The following TNFSF8 variants were observed in gnomAD, a reference collection of about 807,000 sequenced individuals.
The protein encoded by TNFSF8 is TNF superfamily member 8, also known as tumor necrosis factor ligand superfamily member 8.
Under a neutral mutation model 22.0 loss-of-function variants are expected in TNFSF8, and 4 were observed. The observed-to-expected ratio is 0.18, with a 90% CI of 0.09 to 0.42. The LOEUF (loss-of-function observed/expected upper bound fraction) is 0.42. TNFSF8 is among the 10% of genes least tolerant of loss of function. TNFSF8 has a pLI of 1.00. For missense variants in TNFSF8, 233 were observed against 281.8 expected, an observed-to-expected ratio of 0.83 and a Z score of 1.24; for synonymous variants, 106 against 112.5, an observed-to-expected ratio of 0.94 and a Z score of 0.37.
In TNFSF8 at chr9:114,902,274, G is replaced by A. The variant is rs916669963; in HGVS notation, c.*1657C>T. On this transcript the variant is annotated 3_prime_UTR_variant, in exon 4 of 4. Transcript: ENST00000223795. ...CATCATTGTCTCTCAACAACTTTGT[G>A]GGGATATAAAAACCCTCGCGGAACT... 19 of 985,296 alleles carry A rather than the reference G, an allele frequency of 1.9e-5. No homozygotes were observed. In the African/African-American group the frequency reaches 3.1e-4, roughly 16 times the overall value. The allele number at this position is 985,296 out of a possible 1,614,324, so 61.0% of individuals were successfully genotyped here. A position where few individuals can be genotyped will look rare whatever the true frequency, so the allele number is the denominator to read the frequency against.
At position 114,901,620 on chromosome 9, in the gene TNFSF8, G is replaced by A; in HGVS notation, c.*2311C>T. The A allele has an allele frequency of 1.0e-6, 1 of 985,300 alleles. No homozygotes were observed. The highest frequency in any genetic ancestry group is 1.2e-6 in the Non-Finnish European group (1 of 829,812). 61.0% of individuals were successfully genotyped at this position (985,300 alleles called of 1,614,324 possible). A position where few individuals can be genotyped will look rare whatever the true frequency, so the allele number is the denominator to read the frequency against. ...GATTCATTTGTCCTATGCAGTTAGT[G>A]TGTGACTCAAATGCCAGCCATTTCC... On this transcript the variant is annotated 3_prime_UTR_variant, in exon 4 of 4. Coordinates refer to ENST00000223795, the MANE Select transcript of TNFSF8 (RefSeq NM_001244.4).
intron 2 of TNFSF8, 40 bp downstream of exon 2, chr9:114,918,056 A>C: frequency 1.9e-6 from 3 of 1,566,064 alleles, no homozygotes; most frequent in African/African-American, 1.4e-5. Context: ...ATTTATCTAG[A>C]TGACTTACTA....
At position 114,902,372 on chromosome 9, in the gene TNFSF8, C is replaced by A. The variant is rs1827728496; in HGVS notation, c.*1559G>T. 6.1e-6 allele frequency: 6 copies of A among 985,294 alleles called. No individual in the cohort carries two copies. Among genetic ancestry groups the A allele is most frequent in the Non-Finnish European group, 7.2e-6 (6 of 829,938 alleles). The allele number at this position is 985,294 out of a possible 1,614,324, so 61.0% of individuals were successfully genotyped here. A position where few individuals can be genotyped will look rare whatever the true frequency, so the allele number is the denominator to read the frequency against. On this transcript the variant is annotated 3_prime_UTR_variant, in exon 4 of 4. Transcript: ENST00000223795. The stretch of plus-strand genomic sequence containing the variant: ...GAGCAGCCATTCCCTGGCTAGATGA[C>A]CACATCACTGTTGCACACTGATTGT...
At chr9:114,904,532 A>G (rs1055821413) in intron 3 of TNFSF8, among the ~76,000 whole-genome samples, 3 of 152,168 alleles carry the variant, frequency 2.0e-5, no homozygotes, top group Non-Finnish European at 4.4e-5. Flanking sequence ...CTTTTCTTCA[A>G]TGCTGAAAGC....
rs1004957598 is a variant in TNFSF8, at chr9:114,901,764, G to C, written c.*2167C>G. 3.9e-5 allele frequency: 38 copies of C among 984,734 alleles called. No homozygotes were observed. The African/African-American group carries it at 6.1e-4, about 16-fold the overall frequency. 61.0% of individuals were successfully genotyped at this position (984,734 alleles called of 1,614,324 possible). ...CTCCCAAAGAATCTACTCACAGAAAGAGTTAAAGAGAAATGTAGACTTTAC... is the reference window on the plus strand; with the variant it reads ...CTCCCAAAGAATCTACTCACAGAAACAGTTAAAGAGAAATGTAGACTTTAC... On this transcript the variant is annotated 3_prime_UTR_variant, in exon 4 of 4. Coordinates refer to ENST00000223795, the MANE Select transcript of TNFSF8 (RefSeq NM_001244.4).
chr9:114,897,425 A>G (rs1453110819), downstream of TNFSF8, among the ~76,000 whole-genome samples: 1 of 152,160 alleles, frequency 6.6e-6, no homozygotes, highest in African/African-American at 2.4e-5. Flanking sequence ...CCAGTGCTAA[A>G]TAAGATTGGT....
chr9:114,919,784 A>G (rs1003915002), intron 1 of TNFSF8, among the ~76,000 whole-genome samples: 1 of 152,094 alleles, frequency 6.6e-6, no homozygotes, highest in African/African-American at 2.4e-5. Context: ...TTATTGTAAC[A>G]TTTCCCTGGG....
intron 1 of TNFSF8, 57 bp from the exon 2 acceptor site, chr9:114,918,195 T>C: frequency 6.7e-7 from 1 of 1,498,778 alleles, no homozygotes; most frequent in Non-Finnish European, 9.0e-7. Flanking sequence ...TGAAACAACT[T>C]TTTTTTTTCT....
At chr9:114,897,424 A>T (rs1028060667), downstream of TNFSF8, among the ~76,000 whole-genome samples, 3 of 152,154 alleles carry the variant, frequency 2.0e-5, no homozygotes, top group Non-Finnish European at 4.4e-5. Context: ...CCCAGTGCTA[A>T]ATAAGATTGG....
At chr9:114,923,627 C>G (rs1230272826) in intron 1 of TNFSF8, among the ~76,000 whole-genome samples, 1 of 151,422 alleles carries the variant, frequency 6.6e-6, no homozygotes, top group Non-Finnish European at 1.5e-5. Flanking sequence ...AAGAGATTCT[C>G]CTGCCTCAGC....
At chr9:114,893,377 C>T (rs987308789) in exon 5 of TNFSF8, 1 of 152,170 alleles carries the variant, frequency 6.6e-6, no homozygotes, top group African/African-American at 2.4e-5. Context: ...CAAAAGTAGG[C>T]AGAGTCGCCT....
chr9:114,924,358 C>A (rs924256162), intron 1 of TNFSF8, among the ~76,000 whole-genome samples: 3 of 152,084 alleles, frequency 2.0e-5, no homozygotes, highest in African/African-American at 7.2e-5. Context: ...AACAGCCATA[C>A]CTATAAGACA....
intron 1 of TNFSF8, among the ~76,000 whole-genome samples, chr9:114,923,522 C>CTTTCTTTCTT (rs758823996): frequency 0.072 from 6,408 of 89,280 alleles, 270 homozygotes; most frequent in Admixed American, 0.11. Context: ...TTCTTTCTTT[C>CTTTCTTTCTT]TTTTTTTTTT....
downstream of TNFSF8, among the ~76,000 whole-genome samples, chr9:114,898,573 A>G (rs867746495): frequency 1.3e-5 from 2 of 152,176 alleles, no homozygotes; most frequent in South Asian, 2.1e-4. Flanking sequence ...AAGGATATTC[A>G]GAGACTGAGA....
chr9:114,930,576 C>A lies in TNFSF8; in HGVS notation c.-273G>T. ...AGAGAAGGTGGCTGATGTCAGAGGG[C>A]GCGTAGGAAAATGACGGTTCCCCGA... On this transcript the variant is annotated 5_prime_UTR_variant, in exon 1 of 4. Coordinates refer to ENST00000223795, the MANE Select transcript of TNFSF8 (RefSeq NM_001244.4). 3.2e-6 allele frequency: 1 copy of A among 314,930 alleles called. No individual in the cohort carries two copies. The highest frequency in any genetic ancestry group is 5.8e-6 in the Non-Finnish European group (1 of 171,428). 19.5% of individuals were successfully genotyped at this position (314,930 alleles called of 1,614,324 possible). A position where few individuals can be genotyped will look rare whatever the true frequency, so the allele number is the denominator to read the frequency against.
Position 114,902,203 on chromosome 9 carries a change from AGAGAG to A in TNFSF8, c.*1723_*1727del, listed in dbSNP as rs1383583180. ...AAATCTCATGGCTACCCCAATCAGG[AGAGAG>A]GTTGCTGTTTCTCAGAAGTCCTCCT... On this transcript the variant is annotated 3_prime_UTR_variant, in exon 4 of 4. Transcript: ENST00000223795. The A allele has an allele frequency of 2.0e-6, 2 of 985,294 alleles. No homozygotes were observed. The highest frequency in any genetic ancestry group is 3.5e-5 in the African/African-American group (2 of 57,230). The allele number at this position is 985,294 out of a possible 1,614,324, so 61.0% of individuals were successfully genotyped here. A position where few individuals can be genotyped will look rare whatever the true frequency, so the allele number is the denominator to read the frequency against.
chr9:114,922,753 A>G (rs953089720), intron 1 of TNFSF8, among the ~76,000 whole-genome samples: 17 of 152,302 alleles, frequency 1.1e-4, no homozygotes, highest in Admixed American at 1.0e-3. Flanking sequence ...CTGGGAGCAC[A>G]TGGTCTGCCA....
intron 2 of TNFSF8, among the ~76,000 whole-genome samples, chr9:114,910,246 G>C (rs946704350): frequency 5.9e-5 from 9 of 152,192 alleles, no homozygotes; most frequent in African/African-American, 1.9e-4. Flanking sequence ...TAGAAAGAGA[G>C]GTTGCTCGAG....
In TNFSF8 at chr9:114,930,315, T is replaced by G; in HGVS notation, c.-12A>C. On this transcript the variant is annotated 5_prime_UTR_variant, in exon 1 of 4. Coordinates refer to ENST00000223795, the MANE Select transcript of TNFSF8 (RefSeq NM_001244.4). ...AGCCCTGGGTCCATTCTTTATATAG[T>G]CTTCCCCACATCACACCTTATCTCT... 1 of 1,509,150 alleles carries G rather than the reference T, an allele frequency of 6.6e-7. No homozygotes were observed. Among genetic ancestry groups the G allele is most frequent in the Non-Finnish European group, 8.9e-7 (1 of 1,124,782 alleles). The allele number at this position is 1,509,150 out of a possible 1,614,324, so 93.5% of individuals were successfully genotyped here.
Sources: allele counts gnomAD v4.1 joint callset (sites outside exome capture counted in the v4.1 genomes callset), GRCh38; gene constraint gnomAD v4.1.1; transcripts MANE v1.5; gene names NCBI Gene and HGNC (gene_info 2026-07-23, HGNC 2026-07-21).